The following ETF1 variants were observed in gnomAD, a reference collection of about 807,000 sequenced individuals.
ETF1 encodes eukaryotic peptide chain release factor subunit 1.
ETF1 carries 4 observed loss-of-function variants against 55.1 expected under a neutral mutation model. That is an observed-to-expected ratio of 0.07 (90% CI 0.04 to 0.17). The LOEUF (loss-of-function observed/expected upper bound fraction) is 0.17, where lower values mean the gene tolerates loss of function less well. Ranked by LOEUF, ETF1 falls within the 10% of genes least tolerant of loss-of-function variation. The pLI, the probability that ETF1 is intolerant of heterozygous loss-of-function variation, is 1.00. For missense variants in ETF1, 142 were observed against 523.6 expected (o/e 0.27, Z 7.11); for synonymous variants, 157 against 182.3 (o/e 0.86, Z 1.12).
At chr5:138,513,105 T>C (rs942550947) in intron 5 of ETF1, 151 bp from the exon 6 acceptor site, 25 of 1,380,860 alleles carry the variant, frequency 1.8e-5, no homozygotes, top group Non-Finnish European at 2.3e-5. Flanking sequence ...AAACTGCTAC[T>C]TGTTTTCAGA....
chr5:138,513,129 G>C, intron 5 of ETF1, 175 bp from the exon 6 acceptor site: 1 of 985,276 alleles, frequency 1.0e-6, no homozygotes. Context: ...CGACTACTAA[G>C]TCTATGTCAA....
chr5:138,532,687 C>T (rs886835874), intron 2 of ETF1, among the ~76,000 whole-genome samples: 12 of 152,160 alleles, frequency 7.9e-5, no homozygotes, highest in African/African-American at 2.2e-4. Context: ...TACGGGATTA[C>T]AGGACTTGCC....
At chr5:138,524,681 A>G (rs571215644) in intron 2 of ETF1, among the ~76,000 whole-genome samples, 4 of 148,224 alleles carry the variant, frequency 2.7e-5, no homozygotes, top group African/African-American at 1.0e-4. Context: ...GGGTTCAAGC[A>G]ATTCTCCTGC....
chr5:138,543,094 T>C lies in ETF1; in HGVS notation c.-19+3A>G, dbSNP rs1006769256. The stretch of plus-strand genomic sequence containing the variant: ...CACCGGCCTTTCCCTCCCTGTGCCT[T>C]ACCTAAGGGCCCAGTCCTGGGCGGC... On this transcript the variant is annotated splice_donor_region_variant and intron_variant, in intron 1 of 10. Coordinates refer to ENST00000360541, the MANE Select transcript of ETF1 (RefSeq NM_004730.4). 1.5e-6 allele frequency: 1 copy of C among 658,080 alleles called. No individual in the cohort carries two copies. Among genetic ancestry groups the C allele is most frequent in the Non-Finnish European group, 2.6e-6 (1 of 387,998 alleles). 40.8% of individuals were successfully genotyped at this position (658,080 alleles called of 1,614,324 possible).
At position 138,510,693 on chromosome 5, in the gene ETF1, A is replaced by C. The variant is rs562981902; in HGVS notation, c.1019-64T>G. The C allele has an allele frequency of 8.3e-5, 132 of 1,591,870 alleles. 1 individual carries two copies. The highest frequency in any genetic ancestry group is 1.1e-4 in the Non-Finnish European group (127 of 1,170,654). On this transcript the variant is annotated intron_variant, in intron 8 of 10. Transcript: ENST00000360541. The stretch of plus-strand genomic sequence containing the variant: ...TCATATACTAATCTGTGTAAGCTCC[A>C]TAAGATGAGGTTAGATGAGAAAAGG...
Position 138,508,198 on chromosome 5 carries a change from A to T in ETF1, c.*107T>A. On this transcript the variant is annotated 3_prime_UTR_variant, in exon 11 of 11. Coordinates refer to ENST00000360541, the MANE Select transcript of ETF1 (RefSeq NM_004730.4). ...CAATGCTCATGGATTAAGTTCTGGA[A>T]ATGTTCCAATTGTAAGGCAGGGATC... is the stretch of plus-strand genomic sequence containing the variant. 1 of 1,306,422 alleles carries T rather than the reference A, an allele frequency of 7.7e-7. No homozygotes were observed. Among genetic ancestry groups the T allele is most frequent in the Non-Finnish European group, 1.0e-6 (1 of 958,284 alleles). 80.9% of individuals were successfully genotyped at this position (1,306,422 alleles called of 1,614,324 possible).
At chr5:138,517,484 G>A (rs1765070139) in intron 4 of ETF1, 77 bp downstream of exon 4, 3 of 746,214 alleles carry the variant, frequency 4.0e-6, no homozygotes, top group Non-Finnish European at 6.2e-6. Flanking sequence ...TAAGTGGGAG[G>A]GATGGGGGAC....
chr5:138,512,197 CA>C (rs58386195), intron 6 of ETF1, among the ~76,000 whole-genome samples: 37 of 2,834 alleles, frequency 0.013, no homozygotes, highest in South Asian at 0.025. Context: ...GACCCAGTCT[CA>C]AAAAAAAAAA....
chr5:138,543,037 T>G, intron 1 of ETF1, 60 bp downstream of exon 1: 1 of 1,035,834 alleles, frequency 9.7e-7, no homozygotes, highest in Non-Finnish European at 1.4e-6. Context: ...AGAGGCCCTC[T>G]CCTCCCGTCC....
At chr5:138,541,174 T>G (rs1407286933) in intron 2 of ETF1, among the ~76,000 whole-genome samples, 1 of 152,186 alleles carries the variant, frequency 6.6e-6, no homozygotes, top group Non-Finnish European at 1.5e-5. Flanking sequence ...AAGATCCTAC[T>G]GAAACAAAAG....
At position 138,534,536 on chromosome 5, in the gene ETF1, G is replaced by A. The variant is rs150393742; in HGVS notation, c.86+8297C>T. Among the ~76,000 whole-genome samples the A allele has an allele frequency of 5.0e-4, 76 of 152,296 alleles. No individual in the cohort carries two copies. The East Asian group carries it at 6.4e-3, about 13-fold the overall frequency. On this transcript the variant is annotated intron_variant, in intron 2 of 10. Transcript: ENST00000360541. ...GTTATTTCTCTCTCCACTGATGCTC[G>A]TCAAGAATAAACATGTTCAGTATCC... is the stretch of plus-strand genomic sequence containing the variant.
intron 2 of ETF1, among the ~76,000 whole-genome samples, chr5:138,540,316 C>G (rs918353116): frequency 2.0e-5 from 3 of 152,176 alleles, no homozygotes; most frequent in African/African-American, 7.2e-5. Context: ...TGCCTGAAAA[C>G]CTCAGTTTCC....
At chr5:138,538,753 T>C (rs1468341374) in intron 2 of ETF1, among the ~76,000 whole-genome samples, 1 of 152,146 alleles carries the variant, frequency 6.6e-6, no homozygotes, top group Non-Finnish European at 1.5e-5. Flanking sequence ...TAACCAACAA[T>C]GTTTACTTGG....
intron 1 of ETF1, 58 bp downstream of exon 1, chr5:138,543,039 C>T (rs1766253683): frequency 9.7e-7 from 1 of 1,032,780 alleles, no homozygotes. Context: ...AGGCCCTCTC[C>T]TCCCGTCCGG....
At chr5:138,515,627 G>A (rs949775738) in intron 4 of ETF1, among the ~76,000 whole-genome samples, 1 of 152,126 alleles carries the variant, frequency 6.6e-6, no homozygotes, top group Non-Finnish European at 1.5e-5. Context: ...AATGTACAAA[G>A]TTAGCAAGAT....
intron 2 of ETF1, among the ~76,000 whole-genome samples, chr5:138,527,119 G>C (rs971655626): frequency 2.6e-5 from 4 of 152,196 alleles, no homozygotes; most frequent in African/African-American, 9.7e-5. Flanking sequence ...TTACAGGTGT[G>C]AGCCACTGTA....
intron 4 of ETF1, chr5:138,513,942 T>G (rs1320374317): frequency 3.3e-6 from 3 of 905,832 alleles, no homozygotes; most frequent in Non-Finnish European, 4.0e-6. Context: ...TTCAACACAT[T>G]TGACATGGGC....
At chr5:138,530,283 T>TG (rs1361518361) in intron 2 of ETF1, among the ~76,000 whole-genome samples, 5 of 150,522 alleles carry the variant, frequency 3.3e-5, no homozygotes, top group African/African-American at 1.2e-4. Flanking sequence ...ATATGAAAGA[T>TG]TTTTTTTTTC....
At chr5:138,512,022 A>G (rs1290100230) in intron 6 of ETF1, 2 of 289,216 alleles carry the variant, frequency 6.9e-6, no homozygotes, top group Non-Finnish European at 1.0e-5. Context: ...AACATGGTGA[A>G]ACCCTGTCTC....
Sources: allele counts gnomAD v4.1 joint callset (sites outside exome capture counted in the v4.1 genomes callset), GRCh38; gene constraint gnomAD v4.1.1; transcripts MANE v1.5; gene names NCBI Gene and HGNC (gene_info 2026-07-23, HGNC 2026-07-21).